Variants in GDPD4 observed in about 807,000 individuals in gnomAD.
GDPD4 encodes glycerophosphodiester phosphodiesterase 6.
GDPD4 carries 60 observed loss-of-function variants against 67.8 expected under a neutral mutation model. The ratio of observed to expected loss-of-function variants is 0.88; its 90% CI spans 0.72 to 1.10. GDPD4 has a LOEUF of 1.10. Ranked by LOEUF, GDPD4 falls within the 50% of genes least tolerant of loss-of-function variation. GDPD4 has a pLI of 0.00. For missense variants in GDPD4, 623 were observed against 613.9 expected, an observed-to-expected ratio of 1.01 and a Z score of -0.16; for synonymous variants, 212 against 210.9, an observed-to-expected ratio of 1.00 and a Z score of -0.04.
At chr11:77,248,827 T>G (rs577922512) in intron 11 of GDPD4, among the ~76,000 whole-genome samples, 1 of 151,208 alleles carries the variant, frequency 6.6e-6, no homozygotes, top group Admixed American at 6.6e-5. Context: ...GTTCAAGCAA[T>G]TCTCCTGCCT....
intron 12 of GDPD4, 120 bp from the exon 13 acceptor site, chr11:77,243,968 A>G (rs1196213100): frequency 7.5e-6 from 5 of 663,786 alleles, no homozygotes; most frequent in Non-Finnish European, 1.3e-5. Flanking sequence ...GAGTAGAGAG[A>G]GAGAGTCTAG....
intron 1 of GDPD4, among the ~76,000 whole-genome samples, chr11:77,292,721 A>G (rs1028879908): frequency 6.6e-6 from 1 of 152,204 alleles, no homozygotes; most frequent in Non-Finnish European, 1.5e-5. Context: ...AGATTAAACA[A>G]GAGAGAAATC....
At chr11:77,268,589 A>G (rs1438648966) in intron 9 of GDPD4, 50 bp from the exon 10 acceptor site, 8 of 1,396,038 alleles carry the variant, frequency 5.7e-6, no homozygotes, top group Middle Eastern at 1.8e-4. Flanking sequence ...CTCTCCTCCC[A>G]GCATTCCTTT....
At chr11:77,223,119 G>A (rs550145692) in intron 16 of GDPD4, among the ~76,000 whole-genome samples, 21 of 152,196 alleles carry the variant, frequency 1.4e-4, no homozygotes, top group East Asian at 1.4e-3. Flanking sequence ...TTAGCCATTC[G>A]TCTTTTTTGA....
chr11:77,294,963 T>C (rs1480619745), intron 1 of GDPD4, among the ~76,000 whole-genome samples: 130 of 99,004 alleles, frequency 1.3e-3, no homozygotes, highest in African/African-American at 6.6e-3. Flanking sequence ...AACTTTGCTT[T>C]TTTTTTTTTT....
At chr11:77,224,384 G>T (rs960726390) in intron 16 of GDPD4, 1 of 152,158 alleles carries the variant, frequency 6.6e-6, no homozygotes, top group African/African-American at 2.4e-5. Flanking sequence ...CAAAGGTTCT[G>T]GGATAATTAC....
At chr11:77,243,638 T>G in intron 13 of GDPD4, 56 bp downstream of exon 13, 1 of 1,388,414 alleles carries the variant, frequency 7.2e-7, no homozygotes, top group East Asian at 2.3e-5. Context: ...AATTAGAATG[T>G]GTATTTTGTG....
intron 3 of GDPD4, among the ~76,000 whole-genome samples, chr11:77,282,222 T>C (rs1251619658): frequency 6.6e-6 from 1 of 152,118 alleles, no homozygotes; most frequent in Non-Finnish European, 1.5e-5. Flanking sequence ...AGATTACATG[T>C]TGTAATTTCC....
chr11:77,252,050 G>GTTTTTTTT (rs1380926908), intron 11 of GDPD4, among the ~76,000 whole-genome samples: 2 of 71,944 alleles, frequency 2.8e-5, no homozygotes, highest in African/African-American at 1.1e-4. Flanking sequence ...TTTTTTGTTT[G>GTTTTTTTT]TTTGTTTTTT....
intron 14 of GDPD4, among the ~76,000 whole-genome samples, chr11:77,229,734 G>C (rs1958419160): frequency 6.6e-6 from 1 of 152,232 alleles, no homozygotes. Flanking sequence ...CCATGTGTCT[G>C]TAAGCCAGCA....
intron 16 of GDPD4, among the ~76,000 whole-genome samples, chr11:77,224,958 G>T (rs1237132801): frequency 6.7e-6 from 1 of 149,216 alleles, no homozygotes; most frequent in Non-Finnish European, 1.5e-5. Flanking sequence ...TTTTTAATTA[G>T]CCAGTCATAA....
At chr11:77,265,117 T>C (rs967609379) in intron 10 of GDPD4, among the ~76,000 whole-genome samples, 4 of 152,174 alleles carry the variant, frequency 2.6e-5, no homozygotes, top group African/African-American at 9.6e-5. Flanking sequence ...CAGGAAACTA[T>C]ACAAGCTTCA....
intron 16 of GDPD4, among the ~76,000 whole-genome samples, chr11:77,221,523 T>C (rs1958223776): frequency 1.3e-5 from 2 of 152,256 alleles, no homozygotes; most frequent in South Asian, 2.1e-4. Flanking sequence ...TTGTTCAGTT[T>C]CCATGTAGTT....
intron 11 of GDPD4, among the ~76,000 whole-genome samples, chr11:77,249,423 C>A (rs900551864): frequency 2.6e-5 from 4 of 152,038 alleles, no homozygotes; most frequent in African/African-American, 7.2e-5. Context: ...CAAAAAATAA[C>A]CAAATAGACT....
intron 13 of GDPD4, among the ~76,000 whole-genome samples, chr11:77,243,079 G>A (rs1958704149): frequency 6.6e-6 from 1 of 151,998 alleles, no homozygotes; most frequent in Non-Finnish European, 1.5e-5. Context: ...TAAGACAAAG[G>A]GGATATGGAT....
chr11:77,253,083 T>A (rs1958937353), intron 11 of GDPD4, among the ~76,000 whole-genome samples: 2 of 152,156 alleles, frequency 1.3e-5, no homozygotes, highest in South Asian at 4.1e-4. Flanking sequence ...TCACTCTCTG[T>A]GGCAGAGTTG....
At chr11:77,248,884 G>A (rs1370727977) in intron 11 of GDPD4, among the ~76,000 whole-genome samples, 1 of 120,526 alleles carries the variant, frequency 8.3e-6, no homozygotes, top group African/African-American at 2.8e-5. Flanking sequence ...AACATGCCCG[G>A]CTAATTTTTT....
chr11:77,236,333 G>A (rs1184621495), intron 13 of GDPD4, among the ~76,000 whole-genome samples: 2 of 151,722 alleles, frequency 1.3e-5, no homozygotes, highest in Non-Finnish European at 2.9e-5. Flanking sequence ...TCCCTGCCCC[G>A]TCTCCCCACC....
intron 10 of GDPD4, among the ~76,000 whole-genome samples, chr11:77,260,262 C>T (rs943904006): frequency 4.7e-5 from 7 of 149,626 alleles, no homozygotes; most frequent in Non-Finnish European, 7.4e-5. Context: ...GACAAAATCG[C>T]GCCATTGGAC....
Sources: allele counts gnomAD v4.1 joint callset (sites outside exome capture counted in the v4.1 genomes callset), GRCh38; gene constraint gnomAD v4.1.1; transcripts MANE v1.5; gene names NCBI Gene and HGNC (gene_info 2026-07-23, HGNC 2026-07-21).